Variants in ADAMTS17 observed in about 807,000 individuals in gnomAD.
The protein encoded by ADAMTS17 is A disintegrin and metalloproteinase with thrombospondin motifs 17.
Under a neutral mutation model 141.5 loss-of-function variants are expected in ADAMTS17, and 113 were observed. The ratio of observed to expected loss-of-function variants is 0.80; its 90% CI spans 0.69 to 0.93. The LOEUF is 0.93. ADAMTS17 is among the 40% of genes least tolerant of loss of function. The pLI is 0.00. For missense variants in ADAMTS17, 1,659 were observed against 1,517.9 expected (o/e 1.09, Z -1.54); for synonymous variants, 768 against 630.6 (o/e 1.22, Z -3.27).
intron 4 of ADAMTS17, among the ~76,000 whole-genome samples, chr15:100,267,588 C>T (rs563355406): frequency 3.1e-4 from 47 of 151,982 alleles, no homozygotes; most frequent in Non-Finnish European, 5.6e-4. Flanking sequence ...GAGTATATTG[C>T]GTGATGCTGA....
At chr15:100,135,219 CAG>C (rs1567232856) in intron 10 of ADAMTS17, among the ~76,000 whole-genome samples, 2 of 151,484 alleles carry the variant, frequency 1.3e-5, no homozygotes, top group African/African-American at 4.8e-5. Context: ...ATTTCTTAAA[CAG>C]AACACAAAAA....
At chr15:100,261,202 G>A (rs111852569) in intron 6 of ADAMTS17, among the ~76,000 whole-genome samples, 276 of 152,310 alleles carry the variant, frequency 1.8e-3, no homozygotes, top group Middle Eastern at 3.4e-3. Context: ...ATATTTATAG[G>A]AAGAGGGAAG....
At chr15:100,118,352 C>T (rs1011965656) in intron 12 of ADAMTS17, among the ~76,000 whole-genome samples, 2 of 152,208 alleles carry the variant, frequency 1.3e-5, no homozygotes, top group African/African-American at 4.8e-5. Context: ...AGAAAATATC[C>T]TGAGGAGAAA....
chr15:100,038,153 C>T (rs916249671), intron 18 of ADAMTS17, among the ~76,000 whole-genome samples: 4 of 152,220 alleles, frequency 2.6e-5, no homozygotes, highest in Non-Finnish European at 5.9e-5. Flanking sequence ...GCTGTTGGCA[C>T]CCTGGTGGAA....
chr15:100,181,774 C>T (rs1214996456), intron 8 of ADAMTS17, among the ~76,000 whole-genome samples: 2 of 152,226 alleles, frequency 1.3e-5, no homozygotes, highest in African/African-American at 2.4e-5. Context: ...AGCAGCATAG[C>T]CTGGGGTTGG....
intron 3 of ADAMTS17, among the ~76,000 whole-genome samples, chr15:100,324,112 C>T (rs2045824050): frequency 2.0e-5 from 3 of 151,874 alleles, no homozygotes; most frequent in East Asian, 3.9e-4. Flanking sequence ...CAAGACCACC[C>T]TGGCCAACAT....
intron 7 of ADAMTS17, among the ~76,000 whole-genome samples, chr15:100,242,048 G>T (rs1596344641): frequency 6.6e-6 from 1 of 152,176 alleles, no homozygotes; most frequent in Non-Finnish European, 1.5e-5. Flanking sequence ...TTTCACAAGG[G>T]AGGGTTTAAG....
rs375584611 is a variant in ADAMTS17, at chr15:100,336,663, AC to A, written c.450+4375del. 5.1e-3 allele frequency among the ~76,000 whole-genome samples: 770 copies of A among 152,258 alleles called. 6 individuals are homozygous for A. Among genetic ancestry groups the A allele is most frequent in the African/African-American group, 0.018 (732 of 41,552 alleles). ...GCAGACCCTTCCAATGGGTCTCCAC[AC>A]CATATAATTTTTGACAAGACTAACT... is the stretch of plus-strand genomic sequence containing the variant. On this transcript the variant is annotated intron_variant, in intron 2 of 21. Transcript: ENST00000268070.
Position 99,985,252 on chromosome 15 carries a change from A to C in ADAMTS17, c.2949+7796T>G, listed in dbSNP as rs145794305. 2.7e-4 allele frequency among the ~76,000 whole-genome samples: 41 copies of C among 152,312 alleles called. No homozygotes were observed. The East Asian group carries it at 6.4e-3, about 24-fold the overall frequency. On this transcript the variant is annotated intron_variant, in intron 20 of 21. Coordinates refer to ENST00000268070, the MANE Select transcript of ADAMTS17 (RefSeq NM_139057.4). ...GGTCACTGCCTTTCACGGGCTGCTC[A>C]CATTCCTGGGAGTGATGGTGAATGG...
intron 7 of ADAMTS17, among the ~76,000 whole-genome samples, chr15:100,204,052 CCTTTT>C (rs1490327205): frequency 2.0e-5 from 3 of 152,204 alleles, no homozygotes; most frequent in Non-Finnish European, 4.4e-5. Flanking sequence ...TCTTTCCTTT[CCTTTT>C]CTCAGTAGAA....
intron 8 of ADAMTS17, among the ~76,000 whole-genome samples, chr15:100,197,337 C>T (rs190473787): frequency 6.6e-6 from 1 of 152,194 alleles, no homozygotes; most frequent in Admixed American, 6.5e-5. Flanking sequence ...CATAGCAACT[C>T]GGGTGTTGGT....
chr15:100,257,855 C>T (rs1230173346), intron 6 of ADAMTS17, among the ~76,000 whole-genome samples: 1 of 152,206 alleles, frequency 6.6e-6, no homozygotes, highest in Non-Finnish European at 1.5e-5. Flanking sequence ...CTATCCACCT[C>T]CAAAACCTTT....
At chr15:100,016,909 G>A (rs574139670) in intron 18 of ADAMTS17, among the ~76,000 whole-genome samples, 4 of 152,220 alleles carry the variant, frequency 2.6e-5, no homozygotes, top group African/African-American at 9.6e-5. Context: ...ATCAGTGGCA[G>A]GTGGGGCCCT....
At chr15:99,992,649 T>G (rs1041614610) in intron 20 of ADAMTS17, among the ~76,000 whole-genome samples, 2 of 152,122 alleles carry the variant, frequency 1.3e-5, no homozygotes, top group African/African-American at 2.4e-5. Flanking sequence ...TCCAGGCCCT[T>G]GCCCAGGGGT....
intron 15 of ADAMTS17, among the ~76,000 whole-genome samples, chr15:100,071,465 C>T (rs2033965836): frequency 6.7e-6 from 1 of 149,970 alleles, no homozygotes; most frequent in African/African-American, 2.5e-5. Context: ...ACCAATATCC[C>T]TGATGAACAT....
chr15:100,226,034 C>A (rs1448534038), intron 7 of ADAMTS17, among the ~76,000 whole-genome samples: 2 of 137,702 alleles, frequency 1.5e-5, no homozygotes, highest in Non-Finnish European at 3.1e-5. Flanking sequence ...GCAGTCACAG[C>A]CTCTGTGCCC....
At chr15:100,107,968 C>A (rs1289178422) in intron 14 of ADAMTS17, among the ~76,000 whole-genome samples, 1 of 152,098 alleles carries the variant, frequency 6.6e-6, no homozygotes, top group African/African-American at 2.4e-5. Context: ...ACAGAAAATA[C>A]AAAGCTTCGA....
chr15:100,155,033 C>T (rs2039365505), intron 9 of ADAMTS17, 147 bp downstream of exon 9: 3 of 1,135,682 alleles, frequency 2.6e-6, no homozygotes, highest in Non-Finnish European at 3.9e-6. Context: ...CATTATAGGA[C>T]ACTCTGCGCT....
intron 14 of ADAMTS17, among the ~76,000 whole-genome samples, chr15:100,097,801 T>C (rs58974646): frequency 0.077 from 11,686 of 152,264 alleles, 1,534 homozygotes; most frequent in African/African-American, 0.27. Context: ...AACCGCTGCA[T>C]CATGGCATGC....
Sources: gnomAD v4.1 joint callset for allele counts (sites outside exome capture counted in the v4.1 genomes callset) on GRCh38, gnomAD v4.1.1 for gene constraint, MANE v1.5 for transcripts, NCBI Gene and HGNC (gene_info 2026-07-23, HGNC 2026-07-21) for gene names.